Variants in VTI1A observed in about 807,000 individuals in gnomAD.
VTI1A encodes the protein vesicle transport through interaction with t-SNAREs homolog 1A.
A neutral mutation model predicts 34.9 loss-of-function variants in VTI1A; 22 were observed. That is an observed-to-expected ratio of 0.63 (90% CI 0.45 to 0.90). The LOEUF is 0.90. Among genes scored for constraint, VTI1A ranks in the 40% least tolerant of loss-of-function variants. VTI1A has a pLI of 0.00. For synonymous variants in VTI1A, 87 were observed against 97.3 expected, an observed-to-expected ratio of 0.89 and a Z score of 0.62; for missense variants, 268 against 275.6, an observed-to-expected ratio of 0.97 and a Z score of 0.20.
At chr10:112,765,660 A>G (rs1283501756) in intron 7 of VTI1A, among the ~76,000 whole-genome samples, 1 of 152,254 alleles carries the variant, frequency 6.6e-6, no homozygotes, top group Non-Finnish European at 1.5e-5. Flanking sequence ...GGGGAAACAG[A>G]CATTAATCAA....
chr10:112,651,205 A>G (rs886521616), intron 5 of VTI1A, among the ~76,000 whole-genome samples: 1 of 152,198 alleles, frequency 6.6e-6, no homozygotes, highest in African/African-American at 2.4e-5. Context: ...TAAGTGACCT[A>G]TTAGATGGTT....
At chr10:112,495,009 T>A (rs746781764) in intron 3 of VTI1A, among the ~76,000 whole-genome samples, 4 of 152,116 alleles carry the variant, frequency 2.6e-5, no homozygotes, top group Admixed American at 6.6e-5. Flanking sequence ...GTAACTCAAA[T>A]GCTTTTAAGG....
At chr10:112,688,891 T>A (rs1272689103) in intron 7 of VTI1A, among the ~76,000 whole-genome samples, 1 of 152,114 alleles carries the variant, frequency 6.6e-6, no homozygotes, top group Non-Finnish European at 1.5e-5. Flanking sequence ...AGTGGGTTTT[T>A]TAAAAATCAA....
At chr10:112,763,640 T>C (rs189541540) in intron 7 of VTI1A, among the ~76,000 whole-genome samples, 5 of 152,340 alleles carry the variant, frequency 3.3e-5, no homozygotes, top group African/African-American at 1.2e-4. Context: ...ACAATCCTGC[T>C]TCGCTGAGTT....
chr10:112,601,453 A>G (rs1158699750), intron 5 of VTI1A, among the ~76,000 whole-genome samples: 2 of 148,244 alleles, frequency 1.3e-5, no homozygotes, highest in Non-Finnish European at 3.0e-5. Context: ...TTAAATGACT[A>G]TTTCTATGGG....
chr10:112,648,507 C>A (rs1240186499), intron 5 of VTI1A, among the ~76,000 whole-genome samples: 1 of 152,154 alleles, frequency 6.6e-6, no homozygotes, highest in African/African-American at 2.4e-5. Flanking sequence ...ATTAAATCAT[C>A]TTTAGGGTTA....
At chr10:112,759,510 G>A (rs150478091) in intron 7 of VTI1A, among the ~76,000 whole-genome samples, 2 of 152,268 alleles carry the variant, frequency 1.3e-5, no homozygotes, top group East Asian at 3.9e-4. Flanking sequence ...AACGTTTAGC[G>A]ACACTGCGTT....
chr10:112,695,462 T>C (rs1200591297), intron 7 of VTI1A, among the ~76,000 whole-genome samples: 1 of 152,214 alleles, frequency 6.6e-6, no homozygotes, highest in Non-Finnish European at 1.5e-5. Flanking sequence ...TTGCTGAGGT[T>C]ATTATGTTCA....
At chr10:112,833,651 T>C in the VTI1A span, among the ~76,000 whole-genome samples, 1 of 152,236 alleles carries the variant, frequency 6.6e-6, no homozygotes, top group East Asian at 1.9e-4. Context: ...TTTGAGCCAT[T>C]TATTATGGCC....
At chr10:112,843,696 C>T in the VTI1A span, among the ~76,000 whole-genome samples, 2 of 152,108 alleles carry the variant, frequency 1.3e-5, no homozygotes, top group Non-Finnish European at 2.9e-5. Context: ...TTGAGGAAGC[C>T]GTGGGGGTCT....
chr10:112,617,125 G>GA (rs1845539538), intron 5 of VTI1A, among the ~76,000 whole-genome samples: 1 of 152,028 alleles, frequency 6.6e-6, no homozygotes, highest in African/African-American at 2.4e-5. Flanking sequence ...AAGCCAATGA[G>GA]AAATAAAAGC....
chr10:112,478,564 A>C (rs1307868913), intron 3 of VTI1A, among the ~76,000 whole-genome samples: 1 of 152,230 alleles, frequency 6.6e-6, no homozygotes, highest in Non-Finnish European at 1.5e-5. Flanking sequence ...AAGGATTAAA[A>C]TATGAAATCT....
At chr10:112,667,717 G>A (rs570237627) in intron 5 of VTI1A, among the ~76,000 whole-genome samples, 54 of 152,212 alleles carry the variant, frequency 3.5e-4, no homozygotes, top group Middle Eastern at 3.4e-3. Context: ...CCTAGAGATA[G>A]TTCACTACCA....
At chr10:112,622,086 A>G (rs192056543) in intron 5 of VTI1A, among the ~76,000 whole-genome samples, 11 of 152,278 alleles carry the variant, frequency 7.2e-5, no homozygotes, top group South Asian at 4.1e-4. Context: ...GCCAAGAAAC[A>G]CTTAAGGCTC....
chr10:112,452,524 C>T (rs534997956), intron 1 of VTI1A, among the ~76,000 whole-genome samples: 16 of 148,568 alleles, frequency 1.1e-4, no homozygotes, highest in South Asian at 6.4e-4. Flanking sequence ...GCCAAGATTG[C>T]GCCACTGCAC....
At chr10:112,552,595 A>C (rs1851397444) in intron 5 of VTI1A, among the ~76,000 whole-genome samples, 1 of 149,472 alleles carries the variant, frequency 6.7e-6, no homozygotes, top group African/African-American at 2.5e-5. Context: ...TGTTACTGTA[A>C]AAAGAGACCT....
At chr10:112,581,906 T>A (rs1843960231) in intron 5 of VTI1A, among the ~76,000 whole-genome samples, 1 of 152,198 alleles carries the variant, frequency 6.6e-6, no homozygotes, top group South Asian at 2.1e-4. Flanking sequence ...TGGAATATCT[T>A]TACTATAACA....
At chr10:112,766,271 G>T (rs1018324603) in intron 7 of VTI1A, among the ~76,000 whole-genome samples, 1 of 152,222 alleles carries the variant, frequency 6.6e-6, no homozygotes, top group African/African-American at 2.4e-5. Flanking sequence ...TGCAACAAGT[G>T]TGGAAATTAT....
intron 3 of VTI1A, among the ~76,000 whole-genome samples, chr10:112,496,414 A>G (rs1849030072): frequency 6.6e-6 from 1 of 151,958 alleles, no homozygotes; most frequent in South Asian, 2.1e-4. Flanking sequence ...TACTAAAAAT[A>G]TGAAAAATTA....
Sources: gnomAD v4.1 joint callset for allele counts (sites outside exome capture counted in the v4.1 genomes callset) on GRCh38, gnomAD v4.1.1 for gene constraint, MANE v1.5 for transcripts, NCBI Gene and HGNC (gene_info 2026-07-23, HGNC 2026-07-21) for gene names.